Variants in CADM2 observed in about 807,000 individuals in gnomAD.
CADM2 encodes the protein immunoglobulin superfamily member 4D.
Under a neutral mutation model 49.8 loss-of-function variants are expected in CADM2, and 12 were observed. That is an observed-to-expected ratio of 0.24 (90% confidence interval 0.15 to 0.39). The LOEUF (loss-of-function observed/expected upper bound fraction) is 0.39. Ranked by LOEUF, CADM2 falls within the 10% of genes least tolerant of loss-of-function variation. CADM2 has a pLI of 1.00. For missense variants in CADM2, 378 were observed against 492.3 expected (o/e 0.77, Z 2.20); for synonymous variants, 214 against 175.4 (o/e 1.22, Z -1.74).
intron 1 of CADM2, among the ~76,000 whole-genome samples, chr3:85,157,869 G>T (rs1185535689): frequency 6.6e-6 from 1 of 152,078 alleles, no homozygotes; most frequent in Non-Finnish European, 1.5e-5. Context: ...GAGCTTCTGC[G>T]CAGCAAAACA....
At chr3:85,691,080 C>T (rs1047221034) in intron 1 of CADM2, among the ~76,000 whole-genome samples, 2 of 152,136 alleles carry the variant, frequency 1.3e-5, no homozygotes, top group African/African-American at 2.4e-5. Flanking sequence ...GCCCTTCCCT[C>T]CCCAGCTTTT....
chr3:85,867,548 C>A (rs982806046), intron 3 of CADM2, among the ~76,000 whole-genome samples: 1 of 151,734 alleles, frequency 6.6e-6, no homozygotes, highest in Non-Finnish European at 1.5e-5. Flanking sequence ...CTTAGATAAA[C>A]AATAAATATT....
chr3:85,776,776 G>A (rs1016999715), intron 2 of CADM2, among the ~76,000 whole-genome samples: 3 of 152,004 alleles, frequency 2.0e-5, no homozygotes, highest in African/African-American at 7.2e-5. Flanking sequence ...TAAATACTCA[G>A]TGCTAATTGT....
chr3:85,866,099 T>C lies in CADM2; in HGVS notation c.239-17192T>C, dbSNP rs536749918. 3.7e-3 allele frequency among the ~76,000 whole-genome samples: 569 copies of C among 152,134 alleles called. 1 individual carries two copies. The highest frequency in any genetic ancestry group is 0.01 in the Middle Eastern group (3 of 292). On this transcript the variant is annotated intron_variant, in intron 3 of 9. Coordinates refer to ENST00000383699, the MANE Select transcript of CADM2 (RefSeq NM_001167675.2). Reference sequence around the variant, plus strand: ...GTTGCAGTGAGCCCACATGGCGCCATTGCACTCTTCTGGGCGACAGAGTGA... The same window carrying C: ...GTTGCAGTGAGCCCACATGGCGCCACTGCACTCTTCTGGGCGACAGAGTGA...
At chr3:85,225,953 A>T (rs1013427175) in intron 1 of CADM2, among the ~76,000 whole-genome samples, 1 of 152,182 alleles carries the variant, frequency 6.6e-6, no homozygotes, top group African/African-American at 2.4e-5. Context: ...GATGAAGCCG[A>T]CTTCATCGTG....
chr3:86,073,394 A>G lies in CADM2; in HGVS notation c.*6611A>G, dbSNP rs1703386006. The G allele has an allele frequency of 6.6e-6, 1 of 152,072 alleles. No individual in the cohort carries two copies. Among genetic ancestry groups the G allele is most frequent in the African/African-American group, 2.4e-5 (1 of 41,438 alleles). 9.4% of individuals were successfully genotyped at this position (152,072 alleles called of 1,614,324 possible). A position where few individuals can be genotyped will look rare whatever the true frequency, so the allele number is the denominator to read the frequency against. ...GAAAATAGAGAAACACAGTTATTGA[A>G]TCTACTCTTGTCATTAACATTTTCA... On this transcript the variant is annotated 3_prime_UTR_variant, in exon 10 of 10. Transcript: ENST00000383699.
chr3:85,740,569 T>A (rs2107823983), intron 2 of CADM2, among the ~76,000 whole-genome samples: 1 of 152,342 alleles, frequency 6.6e-6, no homozygotes, highest in East Asian at 1.9e-4. Context: ...TTGCTTCTTT[T>A]TTTCTTTTCT....
intron 5 of CADM2, among the ~76,000 whole-genome samples, chr3:85,905,564 C>T (rs553296203): frequency 8.6e-5 from 13 of 151,820 alleles, no homozygotes; most frequent in South Asian, 4.2e-4. Flanking sequence ...CTGTACCCAG[C>T]GTCTAAAACC....
At chr3:85,990,683 C>T (rs903434568) in intron 8 of CADM2, among the ~76,000 whole-genome samples, 2 of 152,134 alleles carry the variant, frequency 1.3e-5, no homozygotes, top group African/African-American at 4.8e-5. Flanking sequence ...TAATTATTCA[C>T]AATTTTCTTA....
At chr3:85,805,027 G>A (rs888189938) in intron 3 of CADM2, among the ~76,000 whole-genome samples, 4 of 151,998 alleles carry the variant, frequency 2.6e-5, no homozygotes, top group African/African-American at 4.8e-5. Flanking sequence ...TGCATCCTCC[G>A]CTTCCTCGGC....
chr3:85,466,778 T>C (rs2038512850), intron 1 of CADM2, among the ~76,000 whole-genome samples: 1 of 152,218 alleles, frequency 6.6e-6, no homozygotes, highest in Non-Finnish European at 1.5e-5. Context: ...TATTTTTTTT[T>C]CAACAGTTTC....
intron 2 of CADM2, among the ~76,000 whole-genome samples, chr3:85,759,247 T>A (rs1044222505): frequency 6.6e-6 from 1 of 152,046 alleles, no homozygotes; most frequent in Admixed American, 6.6e-5. Context: ...CCTGCCTAGT[T>A]CTCTTCTGCA....
At chr3:86,002,128 G>A (rs2108743274) in intron 8 of CADM2, among the ~76,000 whole-genome samples, 1 of 152,108 alleles carries the variant, frequency 6.6e-6, no homozygotes, top group South Asian at 2.1e-4. Context: ...AAGTAGCTGG[G>A]ATTATTAATC....
At chr3:85,070,458 T>C (rs947535065) in intron 1 of CADM2, among the ~76,000 whole-genome samples, 5 of 152,218 alleles carry the variant, frequency 3.3e-5, no homozygotes, top group Admixed American at 6.5e-5. Flanking sequence ...AATGTTCATT[T>C]GTTATCTGTT....
chr3:85,848,979 G>A (rs1456731271), intron 3 of CADM2, among the ~76,000 whole-genome samples: 1 of 152,136 alleles, frequency 6.6e-6, no homozygotes. Context: ...TTCAAGACAT[G>A]AATCCGGGCA....
At chr3:85,468,824 G>C (rs541990544) in intron 1 of CADM2, among the ~76,000 whole-genome samples, 3 of 152,130 alleles carry the variant, frequency 2.0e-5, no homozygotes, top group African/African-American at 7.2e-5. Flanking sequence ...ATGTGCTAAC[G>C]AGCAGATCAC....
chr3:85,926,625 T>C (rs1278532086), intron 6 of CADM2, among the ~76,000 whole-genome samples: 2 of 152,198 alleles, frequency 1.3e-5, no homozygotes, highest in Non-Finnish European at 2.9e-5. Flanking sequence ...ATTTCTAAAT[T>C]TCCGTTAGTA....
intron 1 of CADM2, among the ~76,000 whole-genome samples, chr3:85,062,480 G>C (rs2036367734): frequency 6.6e-6 from 1 of 151,600 alleles, no homozygotes; most frequent in Non-Finnish European, 1.5e-5. Flanking sequence ...TTCCATTTAA[G>C]AGAACCTGGA....
chr3:85,504,892 G>T (rs2040263677), intron 1 of CADM2, among the ~76,000 whole-genome samples: 2 of 152,184 alleles, frequency 1.3e-5, no homozygotes, highest in Admixed American at 6.5e-5. Context: ...GGGGGACCCA[G>T]TACACCCTCC....
Sources: allele counts gnomAD v4.1 joint callset (sites outside exome capture counted in the v4.1 genomes callset), GRCh38; gene constraint gnomAD v4.1.1; transcripts MANE v1.5; gene names NCBI Gene and HGNC (gene_info 2026-07-23, HGNC 2026-07-21).